SMC1B: variants seen among roughly 807,000 people sequenced by gnomAD.
SMC1B encodes structural maintenance of chromosomes 1B.
Under a neutral mutation model 157.9 loss-of-function variants are expected in SMC1B, and 60 were observed. The observed-to-expected ratio is 0.38, with a 90% CI of 0.31 to 0.47. SMC1B has a LOEUF of 0.47. Among genes scored for constraint, SMC1B ranks in the 20% least tolerant of loss-of-function variants. SMC1B has a pLI of 0.99. For missense variants in SMC1B, 1,165 were observed against 1,426.2 expected (o/e 0.82, Z 2.95); for synonymous variants, 445 against 483.0 (o/e 0.92, Z 1.03).
chr22:45,386,994 A>G lies in SMC1B; in HGVS notation c.1784T>C (p.Ile595Thr), dbSNP rs765042101. The G allele has an allele frequency of 3.1e-6, 5 of 1,613,956 alleles. No homozygotes were observed. In the East Asian group the frequency reaches 8.9e-5, roughly 29 times the overall value. Residue 595 changes from isoleucine to threonine, a missense_variant, in exon 11 of 25, where the codon ATT becomes ACT. Transcript: ENST00000357450. ...LRELKGCKMV[I>T]DVIKTQFPQL... ...AGGAAACTGAGTCTTTATGACATCA[A>G]TCACCATTTTACAGCCTTTAAGCTC...
chr22:45,407,329 G>A (rs1443294265), intron 2 of SMC1B, among the ~76,000 whole-genome samples: 3 of 152,140 alleles, frequency 2.0e-5, no homozygotes, highest in African/African-American at 7.2e-5. Flanking sequence ...CCCTAAAACA[G>A]TTCTGTTGAA....
At chr22:45,406,726 A>G (rs771302565) in intron 3 of SMC1B, 27 bp downstream of exon 3, 1 of 1,584,728 alleles carries the variant, frequency 6.3e-7, no homozygotes, top group Admixed American at 1.9e-5. Flanking sequence ...AAAACTCTGA[A>G]TCAAATAAAC....
intron 7 of SMC1B, among the ~76,000 whole-genome samples, chr22:45,395,659 A>T (rs558539274): frequency 8.5e-5 from 13 of 152,202 alleles, no homozygotes; most frequent in Non-Finnish European, 1.6e-4. Context: ...GGAGTTCAAG[A>T]CCAGCCTGAC....
rs192489047 is a variant in SMC1B at position 45,359,976 on chromosome 22, T to C, written c.2709-18A>G. The C allele has an allele frequency of 3.1e-6, 5 of 1,604,948 alleles. No individual in the cohort carries two copies. The highest frequency in any genetic ancestry group is 4.3e-6 in the Non-Finnish European group (5 of 1,173,324). ...CCACTTCCCTGTAATTACACAGATA[T>C]GAAAAAGTAATTTTACTCATTATGT... On this transcript the variant is annotated intron_variant, in intron 17 of 24. Transcript: ENST00000357450.
At chr22:45,381,816 T>TA (rs2146812113) in intron 12 of SMC1B, among the ~76,000 whole-genome samples, 2 of 152,344 alleles carry the variant, frequency 1.3e-5, no homozygotes, top group East Asian at 3.9e-4. Context: ...GATTAAAACA[T>TA]AAAATGTAGT....
At chr22:45,382,431 A>T (rs1042242875) in intron 12 of SMC1B, among the ~76,000 whole-genome samples, 2 of 152,210 alleles carry the variant, frequency 1.3e-5, no homozygotes, top group African/African-American at 2.4e-5. Context: ...ATAATGACAG[A>T]AAGTAGATTG....
At chr22:45,365,883 T>C (rs1470702180) in intron 15 of SMC1B, among the ~76,000 whole-genome samples, 2 of 152,158 alleles carry the variant, frequency 1.3e-5, no homozygotes, top group Non-Finnish European at 2.9e-5. Context: ...ATAAAGGATA[T>C]AGATGATTAG....
At chr22:45,399,771 T>G (rs1377062435) in intron 5 of SMC1B, among the ~76,000 whole-genome samples, 1 of 152,178 alleles carries the variant, frequency 6.6e-6, no homozygotes, top group African/African-American at 2.4e-5. Flanking sequence ...CTGACCTAAT[T>G]CTAGAAATGA....
At chr22:45,370,756 A>C (rs888523311) in intron 14 of SMC1B, among the ~76,000 whole-genome samples, 3 of 152,242 alleles carry the variant, frequency 2.0e-5, no homozygotes, top group African/African-American at 7.2e-5. Context: ...TTTTGACATC[A>C]TGCTCTGTTC....
intron 16 of SMC1B, among the ~76,000 whole-genome samples, chr22:45,362,599 C>G (rs2086732474): frequency 6.6e-6 from 1 of 152,190 alleles, no homozygotes; most frequent in African/African-American, 2.4e-5. Context: ...ATCACATAGG[C>G]AACTCAAGCT....
At chr22:45,356,352 A>G (rs1349646528) in intron 19 of SMC1B, among the ~76,000 whole-genome samples, 1 of 152,230 alleles carries the variant, frequency 6.6e-6, no homozygotes, top group East Asian at 1.9e-4. Context: ...TGAGGGGACA[A>G]TTGCTGGGGC....
At position 45,361,894 on chromosome 22, in the gene SMC1B, C is replaced by T. The variant is rs529272643; in HGVS notation, c.2653G>A (p.Glu885Lys). 1.7e-4 allele frequency: 272 copies of T among 1,614,094 alleles called. 3 individuals carry two copies. The South Asian group carries it at 2.5e-3, about 15-fold the overall frequency. ...DIRVTQNSSAEKVQTQIEEER... is the reference protein window; with the variant it reads ...DIRVTQNSSAKKVQTQIEEER... ...TCTTCAATTTGAGTTTGAACTTTCT[C>T]GGCACTGGAGTTCTGAGTGACACGT... Residue 885 changes from glutamate to lysine, a missense_variant, in exon 17 of 25, where the codon GAG becomes AAG. Glu to Lys is a moderately conservative substitution (Grantham distance 56). Coordinates refer to ENST00000357450, the MANE Select transcript of SMC1B (RefSeq NM_148674.5).
chr22:45,393,807 T>G lies in SMC1B; in HGVS notation c.1372A>C (p.Thr458Pro), dbSNP rs2087089924. Reference protein sequence around the residue: ...CLKEKKQQEETLVDEIEKTKS... With the variant: ...CLKEKKQQEEPLVDEIEKTKS... ...GTTTTTTCAATTTCATCCACTAGGGTTTCCTCTTGCTGTTTTTTCTCTTTC... is the reference window on the plus strand; with the variant it reads ...GTTTTTTCAATTTCATCCACTAGGGGTTCCTCTTGCTGTTTTTTCTCTTTC... The change falls in exon 9 of 25, where the codon ACC becomes CCC. Residue 458 changes from threonine (T) to proline (P), a missense_variant. Physicochemically the swap from Thr to Pro is conservative, Grantham distance 38. Transcript: ENST00000357450. 6.2e-7 allele frequency: 1 copy of G among 1,612,424 alleles called. No homozygotes were observed.
At chr22:45,345,780 T>G (rs2086545137) in intron 23 of SMC1B, among the ~76,000 whole-genome samples, 1 of 152,102 alleles carries the variant, frequency 6.6e-6, no homozygotes, top group Non-Finnish European at 1.5e-5. Flanking sequence ...TCTAAAACTT[T>G]AAGAATATTT....
At chr22:45,380,054 C>G (rs2086921335) in intron 12 of SMC1B, among the ~76,000 whole-genome samples, 1 of 152,074 alleles carries the variant, frequency 6.6e-6, no homozygotes, top group Non-Finnish European at 1.5e-5. Context: ...AGTACTTTCT[C>G]TAGTATTTTT....
intron 15 of SMC1B, among the ~76,000 whole-genome samples, chr22:45,364,995 G>A (rs577084767): frequency 6.6e-6 from 1 of 151,840 alleles, no homozygotes; most frequent in South Asian, 2.1e-4. Flanking sequence ...CTGCCACCAC[G>A]CCCGGCTAAT....
At chr22:45,391,659 A>G (rs2087060268) in intron 9 of SMC1B, among the ~76,000 whole-genome samples, 1 of 152,218 alleles carries the variant, frequency 6.6e-6, no homozygotes, top group Non-Finnish European at 1.5e-5. Context: ...AGTTGATAGA[A>G]TAAGTATTTC....
Position 45,363,003 on chromosome 22 carries a change from GT to G in SMC1B, c.2443del (p.Thr815LeufsTer18). On this transcript the variant is annotated frameshift_variant, in exon 16 of 25. Transcript: ENST00000357450. LOFTEE classifies it high-confidence loss of function. ...QKRLEFEKQK[T>X]RLNVQLEYSR... ...ATACTCAAGTTGAACATTAAGCCGAGTTTTTTGTTTTTCAAATTCTAATCTA... is the reference window on the plus strand; with the variant it reads ...ATACTCAAGTTGAACATTAAGCCGAGTTTTTGTTTTTCAAATTCTAATCTA... The G allele has an allele frequency of 1.9e-6, 3 of 1,584,808 alleles. No homozygotes were observed. The highest frequency in any genetic ancestry group is 1.9e-5 in the Admixed American group (1 of 51,800).
chr22:45,366,196 G>T (rs1003357189), intron 15 of SMC1B, among the ~76,000 whole-genome samples: 2 of 152,064 alleles, frequency 1.3e-5, no homozygotes, highest in Non-Finnish European at 2.9e-5. Flanking sequence ...GCTAATTTTT[G>T]TATTTTTAGT....
Sources: allele counts gnomAD v4.1 joint callset (sites outside exome capture counted in the v4.1 genomes callset), GRCh38; gene constraint gnomAD v4.1.1; transcripts MANE v1.5; gene names NCBI Gene and HGNC (gene_info 2026-07-23, HGNC 2026-07-21).